Variants in FAM114A2 observed in about 807,000 individuals in gnomAD.
The protein encoded by FAM114A2 is family with sequence similarity 114 member A2.
A neutral mutation model predicts 58.4 loss-of-function variants in FAM114A2; 53 were observed. The observed-to-expected ratio is 0.91, with a 90% CI of 0.73 to 1.14. The LOEUF (loss-of-function observed/expected upper bound fraction) is 1.14. FAM114A2 is among the 50% of genes most tolerant of loss of function. The pLI is 0.00. For missense variants in FAM114A2, 601 were observed against 581.1 expected (o/e 1.03, Z -0.35); for synonymous variants, 228 against 211.4 (o/e 1.08, Z -0.68).
At chr5:154,010,853 T>G (rs1320986800) in intron 9 of FAM114A2, among the ~76,000 whole-genome samples, 2 of 152,158 alleles carry the variant, frequency 1.3e-5, no homozygotes, top group Non-Finnish European at 2.9e-5. Flanking sequence ...CTAATCCCTA[T>G]GGGCAAGGCC....
intron 10 of FAM114A2, 26 bp from the exon 11 acceptor site, chr5:154,002,416 T>G: frequency 6.2e-7 from 1 of 1,607,020 alleles, no homozygotes; most frequent in East Asian, 2.2e-5. Flanking sequence ...AAACAAAGCA[T>G]AGCAAAACAA....
In FAM114A2 at chr5:154,008,522, C is replaced by T. The variant is rs186819166; in HGVS notation, c.993+2719G>A. 4.2e-4 allele frequency among the ~76,000 whole-genome samples: 64 copies of T among 152,086 alleles called. No homozygotes were observed. In the East Asian group the frequency reaches 0.01, roughly 25 times the overall value. On this transcript the variant is annotated intron_variant, in intron 9 of 13. Transcript: ENST00000351797. ...CTGACCTCATATGATGGGTTGTAGT[C>T]AAAATGAATTGAAAATTTTGTTTCA...
At chr5:154,023,405 A>G (rs1227510516) in intron 8 of FAM114A2, among the ~76,000 whole-genome samples, 1 of 152,184 alleles carries the variant, frequency 6.6e-6, no homozygotes, top group African/African-American at 2.4e-5. Flanking sequence ...AGATAAAGAA[A>G]CTGTGGTATA....
At chr5:154,004,460 C>T (rs1375616365) in intron 9 of FAM114A2, among the ~76,000 whole-genome samples, 1 of 152,168 alleles carries the variant, frequency 6.6e-6, no homozygotes, top group African/African-American at 2.4e-5. Context: ...TATTTCTAGA[C>T]CTGACCTCTC....
Position 154,029,580 on chromosome 5 carries a change from CCTA to C in FAM114A2, c.404-3_404-1del. 1.3e-6 allele frequency: 2 copies of C among 1,573,566 alleles called. No individual in the cohort carries two copies. The highest frequency in any genetic ancestry group is 1.7e-6 in the Non-Finnish European group (2 of 1,143,992). ...TTCATTCTCTTTGGCATTTGTCTCT[CCTA>C]CAAGAGGGAGGGGATGTGTAAACAT... On this transcript the variant is annotated splice_acceptor_variant and splice_polypyrimidine_tract_variant and intron_variant, in intron 4 of 13. Coordinates refer to ENST00000351797, the MANE Select transcript of FAM114A2 (RefSeq NM_018691.4). LOFTEE classifies it high-confidence loss of function.
intron 12 of FAM114A2, among the ~76,000 whole-genome samples, chr5:153,997,479 A>G (rs1184669689): frequency 6.6e-6 from 1 of 152,166 alleles, no homozygotes; most frequent in African/African-American, 2.4e-5. Flanking sequence ...AAGTGAGGGA[A>G]ACCAAACACA....
In FAM114A2 at chr5:153,996,021, T is replaced by G. The variant is rs187446637; in HGVS notation, c.1330-1049A>C. 1.8e-4 allele frequency among the ~76,000 whole-genome samples: 28 copies of G among 152,156 alleles called. No homozygotes were observed. The East Asian group carries it at 5.2e-3, about 28-fold the overall frequency. ...CTTCATAAACAGAAGAAAACAAAAA[T>G]TAATTAGAATTAGACATAGACAAGC... On this transcript the variant is annotated intron_variant, in intron 12 of 13. Coordinates refer to ENST00000351797, the MANE Select transcript of FAM114A2 (RefSeq NM_018691.4).
intron 12 of FAM114A2, among the ~76,000 whole-genome samples, chr5:153,997,166 T>G (rs1439214827): frequency 6.6e-6 from 1 of 152,122 alleles, no homozygotes; most frequent in Non-Finnish European, 1.5e-5. Flanking sequence ...CTGGTGAGAA[T>G]GTAAAACTGT....
intron 4 of FAM114A2, among the ~76,000 whole-genome samples, chr5:154,030,634 C>G (rs867399892): frequency 6.6e-6 from 1 of 152,208 alleles, no homozygotes; most frequent in Admixed American, 6.5e-5. Flanking sequence ...GAAACGGAGA[C>G]TGGAATCTGG....
At chr5:154,027,366 A>C in intron 6 of FAM114A2, 32 bp from the exon 7 acceptor site, 1 of 1,583,288 alleles carries the variant, frequency 6.3e-7, no homozygotes, top group African/African-American at 1.4e-5. Context: ...ACACTGTAGC[A>C]AACAATGAGA....
At chr5:154,018,297 C>T (rs1048040391) in intron 8 of FAM114A2, among the ~76,000 whole-genome samples, 1 of 152,062 alleles carries the variant, frequency 6.6e-6, no homozygotes, top group African/African-American at 2.4e-5. Context: ...TGCGCATAAA[C>T]TAGAAAACCT....
At chr5:154,014,798 C>T (rs899956326) in intron 8 of FAM114A2, among the ~76,000 whole-genome samples, 4 of 152,178 alleles carry the variant, frequency 2.6e-5, no homozygotes, top group Non-Finnish European at 4.4e-5. Context: ...GGAGAAGTCT[C>T]CTGACCAGAA....
intron 8 of FAM114A2, among the ~76,000 whole-genome samples, chr5:154,022,682 T>C (rs1322701828): frequency 6.6e-6 from 1 of 152,210 alleles, no homozygotes; most frequent in Non-Finnish European, 1.5e-5. Flanking sequence ...TTTTACAATG[T>C]TGGTGGGAGT....
chr5:154,016,847 A>C (rs1327238505), intron 8 of FAM114A2, among the ~76,000 whole-genome samples: 2 of 152,326 alleles, frequency 1.3e-5, no homozygotes, highest in Admixed American at 1.3e-4. Flanking sequence ...TGCAAGAAGG[A>C]TAAGAACTCA....
chr5:154,011,128 A>T, intron 9 of FAM114A2, 113 bp downstream of exon 9: 1 of 778,958 alleles, frequency 1.3e-6, no homozygotes, highest in Non-Finnish European at 2.1e-6. Context: ...GTATAACGAG[A>T]ATATACCTTC....
rs1216152668 is a variant in FAM114A2 at position 153,990,200 on chromosome 5, T to A, written c.*2776A>T. On this transcript the variant is annotated 3_prime_UTR_variant, in exon 14 of 14. Transcript: ENST00000351797. Reference sequence around the variant, plus strand: ...ATTCTGGGTTTTCTAAACTGAAGAATTCAGGTTTAAAATTCAGAACACCTC... The same window carrying A: ...ATTCTGGGTTTTCTAAACTGAAGAAATCAGGTTTAAAATTCAGAACACCTC... 1.3e-5 allele frequency: 2 copies of A among 152,200 alleles called. No homozygotes were observed. Among genetic ancestry groups the A allele is most frequent in the Non-Finnish European group, 2.9e-5 (2 of 68,036 alleles). 9.4% of individuals were successfully genotyped at this position (152,200 alleles called of 1,614,324 possible).
intron 8 of FAM114A2, among the ~76,000 whole-genome samples, chr5:154,016,142 A>C (rs917560028): frequency 6.6e-6 from 1 of 152,206 alleles, no homozygotes; most frequent in Non-Finnish European, 1.5e-5. Context: ...AAACCTAAGA[A>C]TAATCAGCAT....
Position 154,034,814 on chromosome 5 carries a change from A to G in FAM114A2, c.140T>C (p.Val47Ala). Reference protein sequence around the residue: ...AKPESKSEPVVSTRKRPETKP... With the variant: ...AKPESKSEPVASTRKRPETKP... ...GGTCTCTGGTCTTTTCCGAGTGGAA[A>G]CTACAGGTTCTGATTTACTCTCTGG... Residue 47 changes from valine (V) to alanine (A), a missense_variant, in exon 2 of 14, where the codon GTT becomes GCT. By Grantham distance (64) the Val-to-Ala change is moderately conservative (BLOSUM62 0). Transcript: ENST00000351797. 1 of 1,614,036 alleles carries G rather than the reference A, an allele frequency of 6.2e-7. No homozygotes were observed. Among genetic ancestry groups the G allele is most frequent in the Non-Finnish European group, 8.5e-7 (1 of 1,179,938 alleles).
intron 7 of FAM114A2, 41 bp from the exon 8 acceptor site, chr5:154,026,563 G>A: frequency 7.4e-7 from 1 of 1,357,916 alleles, no homozygotes. Flanking sequence ...GAGTATGAAA[G>A]AAAAGAAAAA....
Sources: gnomAD v4.1 joint callset for allele counts (sites outside exome capture counted in the v4.1 genomes callset) on GRCh38, gnomAD v4.1.1 for gene constraint, MANE v1.5 for transcripts, NCBI Gene and HGNC (gene_info 2026-07-23, HGNC 2026-07-21) for gene names.